The following STRN variants were observed in gnomAD, a reference collection of about 807,000 sequenced individuals.
STRN encodes striatin.
Under a neutral mutation model 96.3 loss-of-function variants are expected in STRN, and 53 were observed. That is an observed-to-expected ratio of 0.55 (90% confidence interval 0.44 to 0.69). The LOEUF (loss-of-function observed/expected upper bound fraction) is 0.69, where lower values mean the gene tolerates loss of function less well. STRN is among the 30% of genes least tolerant of loss of function. The pLI, the probability that STRN is intolerant of heterozygous loss-of-function variation, is 0.00. For missense variants in STRN, 987 were observed against 963.9 expected, an observed-to-expected ratio of 1.02 and a Z score of -0.32; for synonymous variants, 428 against 355.9, an observed-to-expected ratio of 1.20 and a Z score of -2.28.
intron 3 of STRN, among the ~76,000 whole-genome samples, chr2:36,909,114 C>A (rs1393778222): frequency 6.7e-6 from 1 of 149,904 alleles, no homozygotes; most frequent in East Asian, 2.0e-4. Context: ...CGAGATTGCA[C>A]CACTGCACTG....
At chr2:36,894,114 A>G in intron 6 of STRN, 81 bp from the exon 7 acceptor site, 1 of 1,495,886 alleles carries the variant, frequency 6.7e-7, no homozygotes, top group Non-Finnish European at 9.0e-7. Context: ...TATTTTCTTC[A>G]GAAAGTATAC....
At chr2:36,963,376 A>G (rs1272397834) in intron 1 of STRN, among the ~76,000 whole-genome samples, 2 of 152,184 alleles carry the variant, frequency 1.3e-5, no homozygotes, top group Non-Finnish European at 2.9e-5. Flanking sequence ...AATTAAAAGG[A>G]GGACACCAAC....
Position 36,924,995 on chromosome 2 carries a change from G to A in STRN, c.338+110C>T, listed in dbSNP as rs62132551. On this transcript the variant is annotated intron_variant, in intron 2 of 17. Transcript: ENST00000263918. ...TGCTTGAAACCGGGAGGCGGAGGTC[G>A]CGGTGAGCCAAGATCGTACCATTGC... 95,990 of 881,894 alleles carry A rather than the reference G, an allele frequency of 0.11. 9,434 individuals are homozygous for A. The highest frequency in any genetic ancestry group is 0.53 in the East Asian group (20,103 of 38,026). 54.6% of individuals were successfully genotyped at this position (881,894 alleles called of 1,614,324 possible).
At chr2:36,916,051 C>G (rs1180204771) in intron 3 of STRN, 27 bp downstream of exon 3, 1 of 1,588,930 alleles carries the variant, frequency 6.3e-7, no homozygotes, top group African/African-American at 1.3e-5. Flanking sequence ...CTTTTTAACA[C>G]TTAAACTTCC....
chr2:36,851,090 G>C lies in STRN; in HGVS notation c.1996C>G (p.Gln666Glu). The C allele has an allele frequency of 6.2e-7, 1 of 1,612,716 alleles. No homozygotes were observed. Among genetic ancestry groups the C allele is most frequent in the Non-Finnish European group, 8.5e-7 (1 of 1,179,464 alleles). The change falls in exon 16 of 18, where the codon CAA becomes GAA. Residue 666 changes from glutamine (Q) to glutamate (E), a missense_variant. Coordinates refer to ENST00000263918, the MANE Select transcript of STRN (RefSeq NM_003162.4). ...NVDTTANSSC[Q>E]INRVISHPTL... ...GGATGACTGATGACTCTATTTATTT[G>C]GCAGGAAGAGTTGGCTGCTAAAAAG...
At chr2:36,849,918 T>C (rs895460818) in intron 16 of STRN, 118 bp from the exon 17 acceptor site, 66 of 949,728 alleles carry the variant, frequency 6.9e-5, no homozygotes, top group Non-Finnish European at 8.9e-5. Flanking sequence ...ACTGTATTAA[T>C]AGCTTTTTCC....
rs58092417 is a variant in STRN, at chr2:36,964,185, C to CG, written c.234+2044dup. 1.1e-3 allele frequency among the ~76,000 whole-genome samples: 88 copies of CG among 78,392 alleles called. 4 individuals are homozygous for CG. Among genetic ancestry groups the CG allele is most frequent in the Middle Eastern group, 0.011 (2 of 174 alleles). 51.4% of individuals were successfully genotyped at this position (78,392 alleles called of 152,430 possible). ...AGGAGAGGGAGTGAACGGGGCGGGG[C>CG]GGGGGGAAGGATGGGTTGGAATTCC... On this transcript the variant is annotated intron_variant, in intron 1 of 17. Coordinates refer to ENST00000263918, the MANE Select transcript of STRN (RefSeq NM_003162.4).
intron 1 of STRN, among the ~76,000 whole-genome samples, chr2:36,942,816 C>A (rs1470194338): frequency 2.0e-4 from 30 of 152,198 alleles, no homozygotes; most frequent in Non-Finnish European, 2.9e-5. Context: ...ATGACTCAGC[C>A]TTCTGAGTAG....
At chr2:36,887,484 A>G (rs568410100) in intron 7 of STRN, among the ~76,000 whole-genome samples, 3 of 151,844 alleles carry the variant, frequency 2.0e-5, no homozygotes, top group Admixed American at 1.3e-4. Flanking sequence ...AAAAAACAAA[A>G]AACAAAAAAC....
intron 1 of STRN, among the ~76,000 whole-genome samples, chr2:36,957,373 A>G (rs1240907033): frequency 6.6e-6 from 1 of 152,202 alleles, no homozygotes; most frequent in African/African-American, 2.4e-5. Flanking sequence ...AGATCACTTG[A>G]GGCCAGGGGT....
rs188621026 is a variant in STRN, at chr2:36,885,120, C to T, written c.1043-1045G>A. Among the ~76,000 whole-genome samples, 168 of 152,178 alleles carry T rather than the reference C, an allele frequency of 1.1e-3. 1 individual carries two copies. The highest frequency in any genetic ancestry group is 1.4e-3 in the Non-Finnish European group (92 of 67,966). On this transcript the variant is annotated intron_variant, in intron 8 of 17. Transcript: ENST00000263918. ...TCCCCCGATTTAAGAAATCCAATTG[C>T]TTCTATTAGTAGGAATATTGTTCCA...
In STRN at chr2:36,844,409, C is replaced by A. The variant is rs963623193; in HGVS notation, c.*5047G>T. 2.6e-5 allele frequency: 4 copies of A among 152,168 alleles called. No individual in the cohort carries two copies. The highest frequency in any genetic ancestry group is 9.7e-5 in the African/African-American group (4 of 41,428). 9.4% of individuals were successfully genotyped at this position (152,168 alleles called of 1,614,324 possible). A position where few individuals can be genotyped will look rare whatever the true frequency, so the allele number is the denominator to read the frequency against. On this transcript the variant is annotated 3_prime_UTR_variant, in exon 18 of 18. Transcript: ENST00000263918. ...TTTCAGAGAGGAGCTAACTAACACCCACCCAGGGGGGAAAAATCATTCTAC... is the reference window on the plus strand; with the variant it reads ...TTTCAGAGAGGAGCTAACTAACACCAACCCAGGGGGGAAAAATCATTCTAC...
rs2717511 is a variant in STRN at position 36,842,507 on chromosome 2, C to G, written c.*6949G>C. 1 of 152,100 alleles carries G rather than the reference C, an allele frequency of 6.6e-6. No homozygotes were observed. The highest frequency in any genetic ancestry group is 1.5e-5 in the Non-Finnish European group (1 of 68,038). The allele number at this position is 152,100 out of a possible 1,614,324, so 9.4% of individuals were successfully genotyped here. A position where few individuals can be genotyped will look rare whatever the true frequency, so the allele number is the denominator to read the frequency against. On this transcript the variant is annotated 3_prime_UTR_variant, in exon 18 of 18. Coordinates refer to ENST00000263918, the MANE Select transcript of STRN (RefSeq NM_003162.4). ...GAGCTGGCATCTGGACCACTCTTCA[C>G]GTAAGGTGAATGGCTAAATCACCAA...
In STRN at chr2:36,849,812, G is replaced by C. The variant is rs748855664; in HGVS notation, c.2087-12C>G. On this transcript the variant is annotated splice_polypyrimidine_tract_variant and intron_variant, in intron 16 of 17. Transcript: ENST00000263918. ...GTGGATCAGTTTGCCTTTGGAAAAA[G>C]AGATTGTTACTCCTTATTAATGCCT... The C allele has an allele frequency of 6.2e-7, 1 of 1,613,504 alleles. No homozygotes were observed. The highest frequency in any genetic ancestry group is 8.5e-7 in the Non-Finnish European group (1 of 1,179,548).
intron 1 of STRN, among the ~76,000 whole-genome samples, chr2:36,963,258 G>T (rs1222009464): frequency 6.6e-6 from 1 of 152,178 alleles, no homozygotes; most frequent in East Asian, 1.9e-4. Flanking sequence ...AGTCTTCCCT[G>T]GCAACCTGAA....
At chr2:36,877,817 G>C in intron 10 of STRN, 74 bp downstream of exon 10, 1 of 1,559,694 alleles carries the variant, frequency 6.4e-7, no homozygotes, top group South Asian at 1.1e-5. Flanking sequence ...TTACAGGCGT[G>C]AGCCACCGCA....
chr2:36,930,335 G>C (rs1455272898), intron 1 of STRN, among the ~76,000 whole-genome samples: 1 of 151,856 alleles, frequency 6.6e-6, no homozygotes, highest in East Asian at 1.9e-4. Flanking sequence ...AGGAGGCTGA[G>C]ACAGGAAAAT....
At position 36,966,371 on chromosome 2, in the gene STRN, G is replaced by C. The variant is rs772066316; in HGVS notation, c.93C>G (p.Ala31=). 1 of 1,465,636 alleles carries C rather than the reference G, an allele frequency of 6.8e-7. No homozygotes were observed. 90.8% of individuals were successfully genotyped at this position (1,465,636 alleles called of 1,614,324 possible). A position where few individuals can be genotyped will look rare whatever the true frequency, so the allele number is the denominator to read the frequency against. Residue 31 remains alanine (A), a synonymous_variant, in exon 1 of 18, where the codon GCC becomes GCG. Coordinates refer to ENST00000263918, the MANE Select transcript of STRN (RefSeq NM_003162.4). ...CCGCAGCCGCCCCGTCGCCGGCCGCGGCAGCCTCCGCCAGAGGCCCGAGCC... is the reference window on the plus strand; with the variant it reads ...CCGCAGCCGCCCCGTCGCCGGCCGCCGCAGCCTCCGCCAGAGGCCCGAGCC... The part of the protein sequence containing the change: ...AKGLGPLAEA[A]AAGDGAAAAG...
intron 12 of STRN, among the ~76,000 whole-genome samples, chr2:36,866,892 C>G (rs1045542628): frequency 7.9e-5 from 12 of 152,154 alleles, no homozygotes; most frequent in African/African-American, 2.2e-4. Flanking sequence ...TGTTCTTCAT[C>G]CCTTTTCTTT....
Sources: gnomAD v4.1 joint callset for allele counts (sites outside exome capture counted in the v4.1 genomes callset) on GRCh38, gnomAD v4.1.1 for gene constraint, MANE v1.5 for transcripts, NCBI Gene and HGNC (gene_info 2026-07-23, HGNC 2026-07-21) for gene names.